Variants in SORCS3 observed in about 807,000 individuals in gnomAD.
SORCS3 encodes the protein VPS10 domain-containing receptor SorCS3.
A neutral mutation model predicts 146.3 loss-of-function variants in SORCS3; 57 were observed. The observed-to-expected ratio is 0.39, with a 90% CI of 0.31 to 0.49. The LOEUF (loss-of-function observed/expected upper bound fraction) is 0.49, where lower values mean the gene tolerates loss of function less well. SORCS3 is among the 20% of genes least tolerant of loss of function. The probability of loss-of-function intolerance (pLI) is 0.92; values close to 1 mark genes in which losing one functional copy is unlikely to be tolerated. For missense variants in SORCS3, 1,341 were observed against 1,575.5 expected (o/e 0.85, Z 2.52); for synonymous variants, 653 against 618.5 (o/e 1.06, Z -0.83).
chr10:104,749,937 A>G (rs1002410823), intron 1 of SORCS3, among the ~76,000 whole-genome samples: 5 of 152,376 alleles, frequency 3.3e-5, no homozygotes, highest in African/African-American at 1.2e-4. Context: ...AATGAAAATG[A>G]GCATTATTCT....
At chr10:104,968,173 T>C (rs2133640413) in intron 3 of SORCS3, among the ~76,000 whole-genome samples, 1 of 152,266 alleles carries the variant, frequency 6.6e-6, no homozygotes, top group East Asian at 1.9e-4. Flanking sequence ...TGGAGTGTAA[T>C]GGTGCAATCT....
At chr10:105,242,728 A>T (rs1354192421) in intron 20 of SORCS3, among the ~76,000 whole-genome samples, 6 of 104,310 alleles carry the variant, frequency 5.8e-5, no homozygotes, top group South Asian at 3.1e-4. Context: ...ATATACATTT[A>T]TATATATTTA....
chr10:104,906,319 T>C (rs1457651413), intron 2 of SORCS3, among the ~76,000 whole-genome samples: 9 of 152,206 alleles, frequency 5.9e-5, no homozygotes, highest in Admixed American at 3.3e-4. Flanking sequence ...TTTGATTACA[T>C]GTAGCAGGCC....
chr10:105,178,941 G>A (rs761383200), intron 14 of SORCS3, among the ~76,000 whole-genome samples: 29 of 152,146 alleles, frequency 1.9e-4, no homozygotes, highest in Admixed American at 1.6e-3. Context: ...GTGCTGGTTC[G>A]GTGGAAGGGT....
At chr10:105,150,893 C>T (rs791135) in intron 9 of SORCS3, among the ~76,000 whole-genome samples, 5,426 of 152,210 alleles carry the variant, frequency 0.036, 313 homozygotes, top group African/African-American at 0.12. Context: ...ATGTACCATA[C>T]GGCCAGTTAG....
chr10:105,217,143 C>T (rs1457784859), intron 19 of SORCS3, 21 bp downstream of exon 19: 7 of 1,611,312 alleles, frequency 4.3e-6, no homozygotes, highest in Non-Finnish European at 5.9e-6. Context: ...GGCACCATCC[C>T]CGTTTTCCCT....
intron 12 of SORCS3, among the ~76,000 whole-genome samples, chr10:105,166,433 C>T (rs1206727997): frequency 1.3e-5 from 2 of 152,110 alleles, no homozygotes; most frequent in South Asian, 4.1e-4. Flanking sequence ...AAATAGTTTT[C>T]CTGTTTAAGG....
At chr10:105,185,000 C>G (rs2056466181) in intron 14 of SORCS3, among the ~76,000 whole-genome samples, 1 of 152,198 alleles carries the variant, frequency 6.6e-6, no homozygotes, top group Non-Finnish European at 1.5e-5. Context: ...AATTATCACT[C>G]TATTCTCTGC....
At chr10:104,772,721 C>T (rs574851182) in intron 1 of SORCS3, among the ~76,000 whole-genome samples, 24 of 152,326 alleles carry the variant, frequency 1.6e-4, no homozygotes, top group African/African-American at 5.5e-4. Context: ...CCTCTTTCCT[C>T]CATTTCTCCA....
intron 3 of SORCS3, among the ~76,000 whole-genome samples, chr10:104,930,095 C>T (rs538030941): frequency 2.5e-3 from 386 of 151,830 alleles, no homozygotes; most frequent in African/African-American, 6.7e-3. Context: ...AAACGATAAA[C>T]GATCAGAATG....
chr10:105,073,267 G>C (rs1169804288), intron 5 of SORCS3, among the ~76,000 whole-genome samples: 1 of 152,150 alleles, frequency 6.6e-6, no homozygotes, highest in Non-Finnish European at 1.5e-5. Flanking sequence ...TCTATGTGCA[G>C]GTTCCAGGTG....
intron 2 of SORCS3, among the ~76,000 whole-genome samples, chr10:104,899,962 G>A (rs1408155513): frequency 6.6e-6 from 1 of 151,986 alleles, no homozygotes; most frequent in Non-Finnish European, 1.5e-5. Context: ...CCTTACAGTG[G>A]GACATGTATG....
chr10:104,747,525 G>A (rs559504353), intron 1 of SORCS3, among the ~76,000 whole-genome samples: 38 of 152,308 alleles, frequency 2.5e-4, no homozygotes, highest in African/African-American at 8.7e-4. Context: ...TATGACAGAT[G>A]CATGGAGTTC....
chr10:105,146,891 G>A (rs1474888401), intron 8 of SORCS3, among the ~76,000 whole-genome samples: 1 of 152,096 alleles, frequency 6.6e-6, no homozygotes, highest in Non-Finnish European at 1.5e-5. Flanking sequence ...GAAAATTGAA[G>A]TTCAGAGAAA....
intron 22 of SORCS3, 28 bp downstream of exon 22, chr10:105,247,359 TC>T: frequency 7.5e-7 from 1 of 1,326,456 alleles, no homozygotes; most frequent in South Asian, 1.2e-5. Context: ...TTTTTTAAGT[TC>T]TTGTGAATAA....
chr10:105,059,947 T>C (rs1002412327), intron 5 of SORCS3, among the ~76,000 whole-genome samples: 1 of 152,170 alleles, frequency 6.6e-6, no homozygotes, highest in African/African-American at 2.4e-5. Flanking sequence ...TACATAACTG[T>C]TGGTTTAAGC....
intron 2 of SORCS3, among the ~76,000 whole-genome samples, chr10:104,912,437 A>C (rs2018978535): frequency 6.6e-6 from 1 of 152,228 alleles, no homozygotes; most frequent in Admixed American, 6.5e-5. Context: ...TTTGTCATTT[A>C]ACCGTAATTC....
chr10:104,815,117 A>G (rs2017782507), intron 1 of SORCS3, among the ~76,000 whole-genome samples: 1 of 152,182 alleles, frequency 6.6e-6, no homozygotes, highest in Admixed American at 6.5e-5. Context: ...CTGTTCTGTC[A>G]GTGAAACCCC....
At chr10:104,970,895 G>T (rs1026633165) in intron 3 of SORCS3, among the ~76,000 whole-genome samples, 1 of 152,076 alleles carries the variant, frequency 6.6e-6, no homozygotes, top group African/African-American at 2.4e-5. Context: ...TATTTTATAA[G>T]GTATGGAAAT....
Sources: gnomAD v4.1 joint callset for allele counts (sites outside exome capture counted in the v4.1 genomes callset) on GRCh38, gnomAD v4.1.1 for gene constraint, MANE v1.5 for transcripts, NCBI Gene and HGNC (gene_info 2026-07-23, HGNC 2026-07-21) for gene names.